Variants in UGT2B17 observed in about 807,000 individuals in gnomAD.
UGT2B17 encodes the protein UDP-glucuronosyltransferase 2B17.
UGT2B17 carries 21 observed loss-of-function variants against 48.2 expected under a neutral mutation model. The observed-to-expected ratio is 0.44, with a 90% CI of 0.31 to 0.63. The LOEUF is 0.63. Among genes scored for constraint, UGT2B17 ranks in the 20% least tolerant of loss-of-function variants. UGT2B17 has a pLI of 0.08. For synonymous variants in UGT2B17, 146 were observed against 238.4 expected (o/e 0.61, Z 3.57); for missense variants, 402 against 696.1 (o/e 0.58, Z 4.75).
rs1260062662 is a variant in UGT2B17, at chr4:68,539,202, AC to A, written c.1314-1299del. 2.4e-5 allele frequency among the ~76,000 whole-genome samples: 3 copies of A among 126,374 alleles called. 1 individual carries two copies. The highest frequency in any genetic ancestry group is 5.0e-5 in the Non-Finnish European group (3 of 59,664). 82.9% of individuals were successfully genotyped at this position (126,374 alleles called of 152,430 possible). ...CCAAAAGTGAAAACACCAATTTATCACAAACTGCATAGAAGAACTCTTTCCT... is the reference window on the plus strand; with the variant it reads ...CCAAAAGTGAAAACACCAATTTATCAAAACTGCATAGAAGAACTCTTTCCT... On this transcript the variant is annotated intron_variant, in intron 6 of 6. Coordinates refer to ENST00000317746, the MANE Select transcript of UGT2B17 (RefSeq NM_001077.4).
In UGT2B17 at chr4:68,571,155, G is replaced by A. The variant is rs1317933151; in HGVS notation, c.-64-2607C>T. On this transcript the variant is annotated intron_variant, in intron 1 of 6. Transcript: ENST00000317746. ...GTCCAATATCCTCATGAGCCATCTT[G>A]TGCCTAAGTGGCGGGTCCATAGTAT... 3.2e-5 allele frequency among the ~76,000 whole-genome samples: 4 copies of A among 125,516 alleles called. 2 individuals are homozygous for A. The Admixed American group carries it at 3.3e-4, about 10-fold the overall frequency. 82.3% of individuals were successfully genotyped at this position (125,516 alleles called of 152,430 possible). A position where few individuals can be genotyped will look rare whatever the true frequency, so the allele number is the denominator to read the frequency against.
intron 6 of UGT2B17, among the ~76,000 whole-genome samples, chr4:68,546,942 G>A (rs1004833401): frequency 4.0e-5 from 5 of 125,642 alleles, no homozygotes; most frequent in Non-Finnish European, 8.4e-5. Flanking sequence ...CAAACCAATG[G>A]AAGAACGTTC....
At chr4:68,542,197 T>G (rs1730672382) in intron 6 of UGT2B17, among the ~76,000 whole-genome samples, 1 of 126,684 alleles carries the variant, frequency 7.9e-6, no homozygotes, top group Admixed American at 8.0e-5. Flanking sequence ...TAATGTTATT[T>G]CTGAGGCGTA....
intron 2 of UGT2B17, among the ~76,000 whole-genome samples, chr4:68,566,490 C>T (rs1430367017): frequency 1.6e-5 from 2 of 124,942 alleles, no homozygotes; most frequent in South Asian, 3.6e-4. Context: ...TTCCTCCATG[C>T]TGTTCTCATG....
At chr4:68,555,008 A>C (rs1730977286) in intron 4 of UGT2B17, among the ~76,000 whole-genome samples, 1 of 125,978 alleles carries the variant, frequency 7.9e-6, no homozygotes, top group Non-Finnish European at 1.7e-5. Flanking sequence ...AAGAAAATAA[A>C]AGTGCTTGAA....
intron 6 of UGT2B17, among the ~76,000 whole-genome samples, chr4:68,545,717 A>G (rs1220727116): frequency 7.9e-6 from 1 of 125,950 alleles, no homozygotes; most frequent in Non-Finnish European, 1.7e-5. Context: ...AATCAAATAG[A>G]TGGAATAAAA....
At chr4:68,566,596 C>T (rs1202969436) in intron 2 of UGT2B17, among the ~76,000 whole-genome samples, 2 of 124,178 alleles carry the variant, frequency 1.6e-5, no homozygotes, top group Non-Finnish European at 3.3e-5. Context: ...TGAGAAGATC[C>T]AAGCTTGCTT....
chr4:68,553,988 G>A lies in UGT2B17; in HGVS notation c.1006-2077C>T, dbSNP rs1327292462. Among the ~76,000 whole-genome samples, 2 of 124,776 alleles carry A rather than the reference G, an allele frequency of 1.6e-5. 1 individual carries two copies. Among genetic ancestry groups the A allele is most frequent in the Non-Finnish European group, 3.4e-5 (2 of 59,138 alleles). 81.9% of individuals were successfully genotyped at this position (124,776 alleles called of 152,430 possible). On this transcript the variant is annotated intron_variant, in intron 4 of 6. Coordinates refer to ENST00000317746, the MANE Select transcript of UGT2B17 (RefSeq NM_001077.4). ...GGTTTGACCCCCTATGACATGCAGT[G>A]GTCCTGCAGGGAAATCCCCAAGAAA...
intron 6 of UGT2B17, among the ~76,000 whole-genome samples, chr4:68,542,190 T>C (rs1443624520): frequency 1.6e-5 from 2 of 126,572 alleles, no homozygotes; most frequent in Non-Finnish European, 3.4e-5. Context: ...AGATGTGTAA[T>C]GTTATTTCTG....
At chr4:68,569,776 C>A (rs1168059440) in intron 1 of UGT2B17, among the ~76,000 whole-genome samples, 1 of 126,252 alleles carries the variant, frequency 7.9e-6, no homozygotes, top group African/African-American at 2.7e-5. Flanking sequence ...GACACTTACT[C>A]TTTACAGAGA....
At chr4:68,550,594 TC>T in intron 6 of UGT2B17, 82 bp downstream of exon 6, 1 of 1,057,612 alleles carries the variant, frequency 9.5e-7, no homozygotes, top group Admixed American at 2.5e-5. Flanking sequence ...AAAATTAGTC[TC>T]TTAACAAAGG....
At position 68,567,784 on chromosome 4, in the gene UGT2B17, TC is replaced by T; in HGVS notation, c.700del (p.Asp234ThrfsTer8). ...WFQAYDLKKWDQFYSEVLGRP... is the reference protein window; with the variant it reads ...WFQAYDLKKWXQFYSEVLGRP... ...ACCTAGAACTTCACTATAAAACTGG[TC>T]CCACTTCTTCAGATCATATGCTTGA... is the stretch of plus-strand genomic sequence containing the variant. On this transcript the variant is annotated frameshift_variant, in exon 2 of 7. Transcript: ENST00000317746. LOFTEE classifies it high-confidence loss of function. The T allele has an allele frequency of 7.4e-7, 1 of 1,348,986 alleles. No individual in the cohort carries two copies. The highest frequency in any genetic ancestry group is 9.6e-7 in the Non-Finnish European group (1 of 1,043,160). 83.6% of individuals were successfully genotyped at this position (1,348,986 alleles called of 1,614,324 possible).
Position 68,547,926 on chromosome 4 carries a change from A to G in UGT2B17, c.1313+2751T>C, listed in dbSNP as rs1730847296. Among the ~76,000 whole-genome samples, 2 of 126,528 alleles carry G rather than the reference A, an allele frequency of 1.6e-5. 1 individual carries two copies. Among genetic ancestry groups the G allele is most frequent in the Non-Finnish European group, 3.4e-5 (2 of 59,696 alleles). The allele number at this position is 126,528 out of a possible 152,430, so 83.0% of individuals were successfully genotyped here. ...GCAATCATTAAAAAGTCAGGAAACC[A>G]CAGGTGCTGGAGAGGATATGGAGAA... is the stretch of plus-strand genomic sequence containing the variant. On this transcript the variant is annotated intron_variant, in intron 6 of 6. Transcript: ENST00000317746.
intron 3 of UGT2B17, among the ~76,000 whole-genome samples, chr4:68,564,791 C>A (rs2109775203): frequency 8.0e-6 from 1 of 125,676 alleles, no homozygotes; most frequent in Middle Eastern, 3.9e-3. Flanking sequence ...GCCTCTGCCC[C>A]CAGACTCAAG....
At chr4:68,565,802 T>C in intron 2 of UGT2B17, 82 bp from the exon 3 acceptor site, 1 of 1,207,286 alleles carries the variant, frequency 8.3e-7, no homozygotes. Flanking sequence ...GGTATTTTCC[T>C]GAAAGGACTT....
At position 68,554,130 on chromosome 4, in the gene UGT2B17, G is replaced by C. The variant is rs949420113; in HGVS notation, c.1006-2219C>G. Among the ~76,000 whole-genome samples the C allele has an allele frequency of 1.3e-4, 16 of 125,916 alleles. 4 individuals are homozygous for C. The highest frequency in any genetic ancestry group is 4.3e-4 in the African/African-American group (16 of 36,858). The allele number at this position is 125,916 out of a possible 152,430, so 82.6% of individuals were successfully genotyped here. A position where few individuals can be genotyped will look rare whatever the true frequency, so the allele number is the denominator to read the frequency against. ...GAGGGAGAAACTGAGACACGTAAGA[G>C]GGTGGAAACAACTCAGTGGTGACAC... On this transcript the variant is annotated intron_variant, in intron 4 of 6. Transcript: ENST00000317746.
At position 68,572,426 on chromosome 4, in the gene UGT2B17, G is replaced by T. The variant is rs1560583406; in HGVS notation, c.-65+3525C>A. Among the ~76,000 whole-genome samples the T allele has an allele frequency of 4.7e-5, 6 of 126,444 alleles. 2 individuals are homozygous for T. The highest frequency in any genetic ancestry group is 1.0e-4 in the Non-Finnish European group (6 of 59,716). The allele number at this position is 126,444 out of a possible 152,430, so 83.0% of individuals were successfully genotyped here. ...TTTCCTGGGCTACATACCTTGGATA[G>T]AATAGCATTATACAAACAATTTGTT... is the stretch of plus-strand genomic sequence containing the variant. On this transcript the variant is annotated intron_variant, in intron 1 of 6. Coordinates refer to ENST00000317746, the MANE Select transcript of UGT2B17 (RefSeq NM_001077.4).
intron 5 of UGT2B17, 42 bp from the exon 6 acceptor site, chr4:68,550,938 C>A: frequency 7.6e-7 from 1 of 1,311,548 alleles, no homozygotes; most frequent in Non-Finnish European, 1.0e-6. Flanking sequence ...AATTATAAGG[C>A]ACAGGAATTG....
Position 68,572,900 on chromosome 4 carries a change from C to T in UGT2B17, c.-65+3051G>A, listed in dbSNP as rs144651768. Among the ~76,000 whole-genome samples the T allele has an allele frequency of 1.6e-3, 204 of 126,268 alleles. 50 individuals carry two copies. Among genetic ancestry groups the T allele is most frequent in the Non-Finnish European group, 2.9e-3 (174 of 59,584 alleles). The allele number at this position is 126,268 out of a possible 152,430, so 82.8% of individuals were successfully genotyped here. A position where few individuals can be genotyped will look rare whatever the true frequency, so the allele number is the denominator to read the frequency against. On this transcript the variant is annotated intron_variant, in intron 1 of 6. Coordinates refer to ENST00000317746, the MANE Select transcript of UGT2B17 (RefSeq NM_001077.4). Reference sequence around the variant, plus strand: ...CATTTTGCAGGGATTGGTGAAGCTGCTCCCATCCACGTACAGCTCCCAGTC... The same window carrying T: ...CATTTTGCAGGGATTGGTGAAGCTGTTCCCATCCACGTACAGCTCCCAGTC...
Sources: allele counts gnomAD v4.1 joint callset (sites outside exome capture counted in the v4.1 genomes callset), GRCh38; gene constraint gnomAD v4.1.1; transcripts MANE v1.5; gene names NCBI Gene and HGNC (gene_info 2026-07-23, HGNC 2026-07-21).